Variants in SFXN2 observed in about 807,000 individuals in gnomAD.
SFXN2 encodes sideroflexin-2.
SFXN2 carries 37 observed loss-of-function variants against 41.9 expected under a neutral mutation model. That is an observed-to-expected ratio of 0.88 (90% confidence interval 0.68 to 1.16). The LOEUF is 1.16. SFXN2 is among the 50% of genes most tolerant of loss of function. The probability of loss-of-function intolerance (pLI) is 0.00; values close to 1 mark genes in which losing one functional copy is unlikely to be tolerated. For missense variants in SFXN2, 386 were observed against 425.2 expected, an observed-to-expected ratio of 0.91 and a Z score of 0.81; for synonymous variants, 150 against 156.7, an observed-to-expected ratio of 0.96 and a Z score of 0.32.
chr10:102,722,925 CTTTTTTTTTTTTTT>C (rs71019608), intron 1 of SFXN2, among the ~76,000 whole-genome samples: 1 of 53,362 alleles, frequency 1.9e-5, no homozygotes, highest in African/African-American at 7.8e-5. Context: ...CAAGAAAGTC[CTTTTTTTTTTTTTT>C]TTTTTTTTTT....
chr10:102,731,795 C>T lies in SFXN2; in HGVS notation c.654+12C>T. 6.2e-7 allele frequency: 1 copy of T among 1,612,894 alleles called. No homozygotes were observed. Among genetic ancestry groups the T allele is most frequent in the Non-Finnish European group, 8.5e-7 (1 of 1,179,126 alleles). On this transcript the variant is annotated intron_variant, in intron 7 of 11. Transcript: ENST00000369893. ...TTGGTCATTCCCGGGTGAGCAGAGGCCTCCCTTTGGGGTGGGAGGAGGGAA... is the reference window on the plus strand; with the variant it reads ...TTGGTCATTCCCGGGTGAGCAGAGGTCTCCCTTTGGGGTGGGAGGAGGGAA...
intron 1 of SFXN2, among the ~76,000 whole-genome samples, chr10:102,720,109 G>A (rs950756132): frequency 4.6e-5 from 7 of 151,940 alleles, no homozygotes; most frequent in African/African-American, 1.5e-4. Flanking sequence ...TGGCTAACAC[G>A]GTGAAACCGC....
rs1842786482 is a variant in SFXN2, at chr10:102,741,677, TTACAGGCGTGAG to T, written c.*3916_*3927del. On this transcript the variant is annotated 3_prime_UTR_variant, in exon 12 of 12. Coordinates refer to ENST00000369893, the MANE Select transcript of SFXN2 (RefSeq NM_178858.6). ...GCCTTGGCCTCCCAAAGTGTTGGGA[TTACAGGCGTGAG>T]CCACTACATCCCACCTGGGGTTTCT... is the stretch of plus-strand genomic sequence containing the variant. 6.6e-6 allele frequency: 1 copy of T among 152,248 alleles called. No individual in the cohort carries two copies. Among genetic ancestry groups the T allele is most frequent in the African/African-American group, 2.4e-5 (1 of 41,466 alleles). The allele number at this position is 152,248 out of a possible 1,614,324, so 9.4% of individuals were successfully genotyped here.
chr10:102,717,594 G>A, intron 1 of SFXN2: 1 of 173,154 alleles, frequency 5.8e-6, no homozygotes, highest in Non-Finnish European at 1.1e-5. Context: ...GTGGGAGGAG[G>A]GACAGTAACT....
intron 10 of SFXN2, 71 bp downstream of exon 10, chr10:102,733,674 C>A: frequency 7.5e-7 from 1 of 1,325,804 alleles, no homozygotes. Context: ...CTTGTCTAGC[C>A]CGTGTTGGAG....
In SFXN2 at chr10:102,728,554, T is replaced by C. The variant is rs2064647454; in HGVS notation, c.431+25T>C. 5 of 1,596,166 alleles carry C rather than the reference T, an allele frequency of 3.1e-6. No homozygotes were observed. The South Asian group carries it at 3.3e-5, about 11-fold the overall frequency. ...GGTAGGAGACCTGAACCCCAGGCTG[T>C]CCTCGTGTCTCCCCACGAACAGCTT... On this transcript the variant is annotated intron_variant, in intron 4 of 11. Transcript: ENST00000369893.
At chr10:102,724,978 C>G (rs1564741211) in intron 1 of SFXN2, 2 of 151,410 alleles carry the variant, frequency 1.3e-5, no homozygotes, top group African/African-American at 4.9e-5. Flanking sequence ...ATGATGTACC[C>G]TGTGAGAGGA....
intron 11 of SFXN2, 123 bp from the exon 12 acceptor site, chr10:102,737,540 A>T: frequency 1.5e-6 from 1 of 669,416 alleles, no homozygotes; most frequent in Non-Finnish European, 2.7e-6. Flanking sequence ...ATTGTGGTAT[A>T]CAGAGGCCAA....
chr10:102,719,394 G>C (rs1679424934), intron 1 of SFXN2, among the ~76,000 whole-genome samples: 1 of 149,902 alleles, frequency 6.7e-6, no homozygotes, highest in South Asian at 2.1e-4. Context: ...GCTAATTTTT[G>C]TATTTTTTTT....
chr10:102,724,602 T>C (rs1018325820), intron 1 of SFXN2, among the ~76,000 whole-genome samples: 1 of 151,886 alleles, frequency 6.6e-6, no homozygotes, highest in African/African-American at 2.4e-5. Context: ...CTTGGGAGGC[T>C]GAGGCAGGAG....
intron 6 of SFXN2, among the ~76,000 whole-genome samples, chr10:102,731,375 A>T (rs183889286): frequency 2.0e-5 from 3 of 152,090 alleles, no homozygotes; most frequent in African/African-American, 7.2e-5. Flanking sequence ...ATCTCATTTA[A>T]TCCTTACCAG....
intron 1 of SFXN2, among the ~76,000 whole-genome samples, chr10:102,720,709 C>T (rs965992684): frequency 1.3e-5 from 2 of 152,116 alleles, no homozygotes; most frequent in Non-Finnish European, 2.9e-5. Flanking sequence ...TCTGTGCTCT[C>T]CCTGTTAGCA....
rs969764114 is a variant in SFXN2, at chr10:102,720,335, G to T, written c.-26+5654G>T. Among the ~76,000 whole-genome samples, 12 of 148,932 alleles carry T rather than the reference G, an allele frequency of 8.1e-5. 1 individual carries two copies. The highest frequency in any genetic ancestry group is 3.0e-4 in the African/African-American group (12 of 40,354). On this transcript the variant is annotated intron_variant, in intron 1 of 11. Transcript: ENST00000369893. Reference sequence around the variant, plus strand: ...AAAAAAAACCCATGGCAGGACCGGGGCTGGTAGCTCACTCCTGTAATCCCA... The same window carrying T: ...AAAAAAAACCCATGGCAGGACCGGGTCTGGTAGCTCACTCCTGTAATCCCA...
chr10:102,729,478 C>A, intron 5 of SFXN2, 84 bp downstream of exon 5: 2 of 1,494,600 alleles, frequency 1.3e-6, no homozygotes, highest in Non-Finnish European at 9.2e-7. Context: ...AGGGACAGTT[C>A]CCCAGGCTGG....
chr10:102,735,258 T>C (rs2064759795), intron 10 of SFXN2, among the ~76,000 whole-genome samples: 1 of 142,194 alleles, frequency 7.0e-6, no homozygotes, highest in South Asian at 2.4e-4. Flanking sequence ...GTCCAAGTAG[T>C]TCTTCCTACT....
At chr10:102,719,816 G>T (rs374494921) in intron 1 of SFXN2, among the ~76,000 whole-genome samples, 14 of 152,200 alleles carry the variant, frequency 9.2e-5, no homozygotes, top group African/African-American at 2.9e-4. Flanking sequence ...CTTAGCTAAG[G>T]TGCTATTTCC....
At chr10:102,728,922 C>T (rs2064654529) in intron 4 of SFXN2, among the ~76,000 whole-genome samples, 1 of 152,014 alleles carries the variant, frequency 6.6e-6, no homozygotes, top group South Asian at 2.1e-4. Flanking sequence ...AAAAAAACCA[C>T]CCAGAAAACC....
intron 10 of SFXN2, among the ~76,000 whole-genome samples, chr10:102,733,900 T>C (rs965666272): frequency 6.6e-6 from 1 of 152,056 alleles, no homozygotes; most frequent in Non-Finnish European, 1.5e-5. Flanking sequence ...TTGCTTTTTT[T>C]TTTTTGAGAT....
At chr10:102,732,048 C>T in intron 7 of SFXN2, 104 bp from the exon 8 acceptor site, 1 of 1,135,834 alleles carries the variant, frequency 8.8e-7, no homozygotes, top group South Asian at 1.5e-5. Context: ...CTTCCCTTCC[C>T]CTTTACCATC....
Sources: allele counts gnomAD v4.1 joint callset (sites outside exome capture counted in the v4.1 genomes callset), GRCh38; gene constraint gnomAD v4.1.1; transcripts MANE v1.5; gene names NCBI Gene and HGNC (gene_info 2026-07-23, HGNC 2026-07-21).